NINJ2: variants seen among roughly 807,000 people sequenced by gnomAD.
The protein encoded by NINJ2 is ninjurin 2.
In NINJ2, 12 loss-of-function variants were observed where a neutral mutation model predicts 11.7. The ratio of observed to expected loss-of-function variants is 1.02; its 90% CI spans 0.66 to 1.66. The LOEUF is 1.66. Ranked by LOEUF, NINJ2 falls within the 40% of genes most tolerant of loss-of-function variation. The pLI is 0.00. For missense variants in NINJ2, 187 were observed against 181.8 expected (o/e 1.03, Z -0.16); for synonymous variants, 93 against 76.8 (o/e 1.21, Z -1.10).
At chr12:626,878 G>A (rs1288384863) in intron 1 of NINJ2, among the ~76,000 whole-genome samples, 2 of 152,122 alleles carry the variant, frequency 1.3e-5, no homozygotes, top group African/African-American at 2.4e-5. Flanking sequence ...TTGAGCCCAG[G>A]AGTTCAAGAC....
At chr12:651,406 G>T (rs552298430) in intron 1 of NINJ2, among the ~76,000 whole-genome samples, 1 of 152,316 alleles carries the variant, frequency 6.6e-6, no homozygotes, top group South Asian at 2.1e-4. Flanking sequence ...AGACGCATTT[G>T]TGATGTTCAG....
intron 1 of NINJ2, among the ~76,000 whole-genome samples, chr12:606,437 A>T (rs191255466): frequency 2.9e-4 from 44 of 152,318 alleles, no homozygotes; most frequent in Non-Finnish European, 4.3e-4. Flanking sequence ...AAAGGCAAAA[A>T]TTATTAAATA....
At chr12:603,808 G>T (rs1487096768) in intron 1 of NINJ2, among the ~76,000 whole-genome samples, 1 of 151,952 alleles carries the variant, frequency 6.6e-6, no homozygotes, top group Non-Finnish European at 1.5e-5. Context: ...CTACAGGCAC[G>T]CACCATCACA....
At chr12:612,582 A>T (rs1948047787) in intron 1 of NINJ2, among the ~76,000 whole-genome samples, 1 of 152,178 alleles carries the variant, frequency 6.6e-6, no homozygotes, top group Non-Finnish European at 1.5e-5. Context: ...GCCCCAGAAA[A>T]GCAGAGGGAA....
At chr12:644,176 A>T (rs1257102172) in intron 1 of NINJ2, 1 of 154,502 alleles carries the variant, frequency 6.5e-6, no homozygotes, top group Non-Finnish European at 1.5e-5. Context: ...GCCATCATTT[A>T]TCGAGTGCTT....
At chr12:636,838 A>G (rs994258618) in intron 1 of NINJ2, among the ~76,000 whole-genome samples, 2 of 152,218 alleles carry the variant, frequency 1.3e-5, no homozygotes, top group African/African-American at 4.8e-5. Flanking sequence ...ACAGCTTGGC[A>G]GTTCCTCAAA....
chr12:565,584 C>T, intron 2 of NINJ2, 183 bp from the exon 3 acceptor site: 1 of 642,412 alleles, frequency 1.6e-6, no homozygotes, highest in Non-Finnish European at 2.7e-6. Context: ...CAATGGGGCA[C>T]CCTAGTGTGC....
At position 566,011 on chromosome 12, in the gene NINJ2, G is replaced by A. The variant is rs1947294934; in HGVS notation, c.201C>T (p.Val67=). Residue 67 remains valine (V), a synonymous_variant, in exon 2 of 4, where the codon GTC becomes GTT. Transcript: ENST00000305108. ...GGAGCAGAGAGAGGCTGATGAGGGT[G>A]ACCAGGGTGGTGTAGTAGTGAGAGG... The part of the protein sequence containing the change: ...GPSSHYYTTL[V]TLISLSLLLQ... 6 of 1,614,116 alleles carry A rather than the reference G, an allele frequency of 3.7e-6. No homozygotes were observed. In the African/African-American group the frequency reaches 4.0e-5, roughly 11 times the overall value.
At chr12:602,736 C>T (rs1359729927) in intron 1 of NINJ2, among the ~76,000 whole-genome samples, 1 of 152,196 alleles carries the variant, frequency 6.6e-6, no homozygotes, top group Admixed American at 6.5e-5. Context: ...GTAGGAGATT[C>T]CAGTTTCTCC....
intron 1 of NINJ2, among the ~76,000 whole-genome samples, chr12:601,116 T>G (rs1947860689): frequency 6.6e-6 from 1 of 152,250 alleles, no homozygotes; most frequent in African/African-American, 2.4e-5. Context: ...GGCAGAGCAT[T>G]GTGAATGCTC....
chr12:568,758 C>G (rs1418748427), intron 1 of NINJ2, among the ~76,000 whole-genome samples: 1 of 152,194 alleles, frequency 6.6e-6, no homozygotes, highest in Non-Finnish European at 1.5e-5. Context: ...GGAGTGTGCA[C>G]TTTGGCCAGT....
chr12:642,369 T>G (rs986441384), intron 1 of NINJ2, among the ~76,000 whole-genome samples: 1 of 152,228 alleles, frequency 6.6e-6, no homozygotes, highest in South Asian at 2.1e-4. Flanking sequence ...TAGCTGGGAC[T>G]ACAGGCGCCC....
At chr12:621,049 C>T (rs867453779) in intron 1 of NINJ2, among the ~76,000 whole-genome samples, 1 of 152,192 alleles carries the variant, frequency 6.6e-6, no homozygotes, top group Admixed American at 6.5e-5. Flanking sequence ...AACAAACAAG[C>T]ACTCCTGAGT....
chr12:567,259 T>C (rs1379487), intron 1 of NINJ2, among the ~76,000 whole-genome samples: 50,098 of 148,704 alleles, frequency 0.34, 8,688 homozygotes, highest in East Asian at 0.59. Flanking sequence ...AAGGATGCTA[T>C]GGCCTGGAGG....
At chr12:635,649 A>G (rs1229018957) in intron 1 of NINJ2, among the ~76,000 whole-genome samples, 2 of 152,284 alleles carry the variant, frequency 1.3e-5, no homozygotes, top group African/African-American at 4.8e-5. Context: ...ACACGGGGAA[A>G]AATCTTCATG....
chr12:575,063 C>T (rs1045089394), intron 1 of NINJ2, among the ~76,000 whole-genome samples: 8 of 152,218 alleles, frequency 5.3e-5, no homozygotes, highest in African/African-American at 1.4e-4. Flanking sequence ...CAGGGCCCGT[C>T]CCAGCCCCAG....
chr12:655,221 C>A (rs949560652), intron 1 of NINJ2, among the ~76,000 whole-genome samples: 8 of 152,196 alleles, frequency 5.3e-5, no homozygotes, highest in Non-Finnish European at 7.3e-5. Context: ...ATGAACAAGT[C>A]TTAGCAGTTT....
chr12:584,848 G>C (rs1947609756), intron 1 of NINJ2, among the ~76,000 whole-genome samples: 1 of 151,056 alleles, frequency 6.6e-6, no homozygotes. Context: ...ATAAAAGCAG[G>C]CTAGGGGCGC....
chr12:586,650 G>A (rs7973444), intron 1 of NINJ2, among the ~76,000 whole-genome samples: 40,374 of 151,976 alleles, frequency 0.27, 5,633 homozygotes, highest in South Asian at 0.37. Flanking sequence ...CAACCTTCCC[G>A]TTTTACAAAT....
Sources: allele counts gnomAD v4.1 joint callset (sites outside exome capture counted in the v4.1 genomes callset), GRCh38; gene constraint gnomAD v4.1.1; transcripts MANE v1.5; gene names NCBI Gene and HGNC (gene_info 2026-07-23, HGNC 2026-07-21).